The following EFCAB6 variants were observed in gnomAD, a reference collection of about 807,000 sequenced individuals.
EFCAB6 encodes EF-hand calcium binding domain 6, also known as EF-hand calcium-binding domain-containing protein 6.
In EFCAB6, 156 loss-of-function variants were observed where a neutral mutation model predicts 169.8. That is an observed-to-expected ratio of 0.92 (90% CI 0.81 to 1.05). The LOEUF (loss-of-function observed/expected upper bound fraction) is 1.05, where lower values mean the gene tolerates loss of function less well. Among genes scored for constraint, EFCAB6 ranks in the 50% least tolerant of loss-of-function variants. The pLI is 0.00. For synonymous variants in EFCAB6, 698 were observed against 676.4 expected, an observed-to-expected ratio of 1.03 and a Z score of -0.50; for missense variants, 1,800 against 1,829.1, an observed-to-expected ratio of 0.98 and a Z score of 0.29.
At chr22:43,580,760 T>C (rs2050670280) in intron 24 of EFCAB6, 101 bp from the exon 25 acceptor site, 8 of 1,295,642 alleles carry the variant, frequency 6.2e-6, no homozygotes, top group Non-Finnish European at 7.5e-6. Flanking sequence ...GTGGGGAAAA[T>C]GAATAATTTT....
Position 43,728,538 on chromosome 22 carries a change from A to T in EFCAB6, c.757+3161T>A, listed in dbSNP as rs1603289331. On this transcript the variant is annotated intron_variant, in intron 8 of 31. Coordinates refer to ENST00000262726, the MANE Select transcript of EFCAB6 (RefSeq NM_022785.4). ...CTTACACTCCCACCAACAGGGTAGAAGTGTTCCTATTTCTCCTCATCCTCT... is the reference window on the plus strand; with the variant it reads ...CTTACACTCCCACCAACAGGGTAGATGTGTTCCTATTTCTCCTCATCCTCT... 2.6e-5 allele frequency among the ~76,000 whole-genome samples: 4 copies of T among 152,324 alleles called. No individual in the cohort carries two copies. The Middle Eastern group carries it at 0.014, about 518-fold the overall frequency.
rs1300892250 is a variant in EFCAB6, at chr22:43,808,757, A to G, written c.-8+238T>C. Among the ~76,000 whole-genome samples, 3 of 152,374 alleles carry G rather than the reference A, an allele frequency of 2.0e-5. No individual in the cohort carries two copies. In the East Asian group the frequency reaches 5.8e-4, roughly 29 times the overall value. On this transcript the variant is annotated intron_variant, in intron 2 of 31. Coordinates refer to ENST00000262726, the MANE Select transcript of EFCAB6 (RefSeq NM_022785.4). ...AAAAAACAAAAAGTGAGTCCAGAAAAAAACCCAGCAGGAAGAACTGGCAGG... is the reference window on the plus strand; with the variant it reads ...AAAAAACAAAAAGTGAGTCCAGAAAGAAACCCAGCAGGAAGAACTGGCAGG...
intron 6 of EFCAB6, among the ~76,000 whole-genome samples, chr22:43,740,976 A>G (rs1343620374): frequency 6.6e-6 from 1 of 152,152 alleles, no homozygotes. Flanking sequence ...GCTCACACCC[A>G]CCAGAGCGAC....
At chr22:43,792,771 A>G (rs560162155) in intron 2 of EFCAB6, among the ~76,000 whole-genome samples, 1 of 152,286 alleles carries the variant, frequency 6.6e-6, no homozygotes, top group East Asian at 1.9e-4. Context: ...ACCAGAAGAC[A>G]TGCTCTTCCC....
intron 17 of EFCAB6, among the ~76,000 whole-genome samples, chr22:43,651,974 G>A (rs1459726901): frequency 6.6e-6 from 1 of 152,222 alleles, no homozygotes; most frequent in Non-Finnish European, 1.5e-5. Flanking sequence ...CTCATAGGCA[G>A]AAGGGACTTG....
chr22:43,713,177 T>C (rs913162148), intron 9 of EFCAB6, among the ~76,000 whole-genome samples: 3 of 152,166 alleles, frequency 2.0e-5, no homozygotes, highest in African/African-American at 7.2e-5. Flanking sequence ...AAAAATTGTA[T>C]TCATGACTTT....
chr22:43,697,171 T>C (rs1254744102), intron 10 of EFCAB6, among the ~76,000 whole-genome samples: 2 of 152,266 alleles, frequency 1.3e-5, no homozygotes, highest in African/African-American at 4.8e-5. Context: ...TCCTGTGAAC[T>C]TCCAGCTTAA....
intron 9 of EFCAB6, among the ~76,000 whole-genome samples, chr22:43,713,159 C>T (rs1440800054): frequency 6.6e-6 from 1 of 151,960 alleles, no homozygotes; most frequent in Non-Finnish European, 1.5e-5. Flanking sequence ...TTCATCATAC[C>T]ACTAAAAAAA....
chr22:43,741,898 C>T (rs553636124), intron 6 of EFCAB6, among the ~76,000 whole-genome samples: 158 of 152,286 alleles, frequency 1.0e-3, no homozygotes, highest in Non-Finnish European at 1.7e-3. Flanking sequence ...GAGACCTGGT[C>T]CCTGCTCACC....
intron 26 of EFCAB6, among the ~76,000 whole-genome samples, chr22:43,561,726 G>C (rs1012580526): frequency 7.9e-5 from 12 of 152,226 alleles, no homozygotes; most frequent in Admixed American, 7.2e-4. Context: ...ATGGCTCTTG[G>C]TCTGGCGCTT....
At position 43,534,742 on chromosome 22, in the gene EFCAB6, T is replaced by G. The variant is rs1163346254; in HGVS notation, c.4179A>C (p.Lys1393Asn). The change falls in exon 30 of 32, where the codon AAA (lysine) becomes AAC (asparagine). Residue 1393 changes from lysine to asparagine, a missense_variant. By Grantham distance (94) the Lys-to-Asn change is moderately conservative. Transcript: ENST00000262726. ...TGTGCATCAGTGAGCTTTCCTTTGC[T>G]TTTAGCAGGAGGACACAGCTCTGAA... ...DFIQSCVLLLKAKESSLMHRM... is the reference protein window; with the variant it reads ...DFIQSCVLLLNAKESSLMHRM... 2.5e-6 allele frequency: 4 copies of G among 1,613,894 alleles called. No homozygotes were observed. In the South Asian group the frequency reaches 4.4e-5, roughly 18 times the overall value.
intron 6 of EFCAB6, among the ~76,000 whole-genome samples, chr22:43,748,922 G>A (rs1202585378): frequency 6.6e-6 from 1 of 152,154 alleles, no homozygotes; most frequent in African/African-American, 2.4e-5. Context: ...ACGGGCTCTG[G>A]CTTATGTTTT....
chr22:43,733,820 T>A (rs1314753984), intron 7 of EFCAB6, among the ~76,000 whole-genome samples: 1 of 152,146 alleles, frequency 6.6e-6, no homozygotes. Flanking sequence ...GCGATTCTCC[T>A]GCCTCAGCCT....
chr22:43,741,668 C>T (rs565324917), intron 6 of EFCAB6, among the ~76,000 whole-genome samples: 2 of 152,304 alleles, frequency 1.3e-5, no homozygotes, highest in South Asian at 2.1e-4. Flanking sequence ...CCAGACGCAG[C>T]GGATGCCCAT....
chr22:43,767,779 A>C (rs1164374545), intron 4 of EFCAB6, among the ~76,000 whole-genome samples: 1 of 151,814 alleles, frequency 6.6e-6, no homozygotes, highest in African/African-American at 2.4e-5. Context: ...ATTGCTACTT[A>C]TAGTCTAACA....
intron 2 of EFCAB6, among the ~76,000 whole-genome samples, chr22:43,792,818 T>C (rs1304000392): frequency 6.6e-6 from 1 of 152,170 alleles, no homozygotes; most frequent in Non-Finnish European, 1.5e-5. Flanking sequence ...TGACCAAAGC[T>C]TTCCTGTCTC....
At chr22:43,661,133 G>A (rs1182262163) in intron 17 of EFCAB6, among the ~76,000 whole-genome samples, 1 of 152,154 alleles carries the variant, frequency 6.6e-6, no homozygotes, top group African/African-American at 2.4e-5. Flanking sequence ...CCAGCACTTT[G>A]GGAAGCCAAC....
chr22:43,690,517 GAAA>G (rs143792481), intron 10 of EFCAB6, among the ~76,000 whole-genome samples: 5 of 132,874 alleles, frequency 3.8e-5, no homozygotes, highest in Non-Finnish European at 8.0e-5. Context: ...CTCCGTCTCA[GAAA>G]AAAAAAAAAA....
chr22:43,569,972 T>C (rs1174867185), intron 26 of EFCAB6: 1 of 152,156 alleles, frequency 6.6e-6, no homozygotes, highest in Non-Finnish European at 1.5e-5. Flanking sequence ...TCATTGAAAA[T>C]ACGTAGACAC....
Sources: gnomAD v4.1 joint callset for allele counts (sites outside exome capture counted in the v4.1 genomes callset) on GRCh38, gnomAD v4.1.1 for gene constraint, MANE v1.5 for transcripts, NCBI Gene and HGNC (gene_info 2026-07-23, HGNC 2026-07-21) for gene names.